Variants in PAX7 observed in about 807,000 individuals in gnomAD.
The protein encoded by PAX7 is paired box 7, also known as paired box protein Pax-7.
PAX7 carries 18 observed loss-of-function variants against 50.7 expected under a neutral mutation model. The observed-to-expected ratio is 0.36, with a 90% CI of 0.25 to 0.53. PAX7 has a LOEUF of 0.53. Among genes scored for constraint, PAX7 ranks in the 20% least tolerant of loss-of-function variants. The probability of loss-of-function intolerance (pLI) is 0.93; values close to 1 mark genes in which losing one functional copy is unlikely to be tolerated. For synonymous variants in PAX7, 310 were observed against 290.4 expected (o/e 1.07, Z -0.69); for missense variants, 644 against 702.9 (o/e 0.92, Z 0.95).
intron 8 of PAX7, among the ~76,000 whole-genome samples, chr1:18,739,033 C>G (rs904299854): frequency 6.6e-6 from 1 of 152,226 alleles, no homozygotes; most frequent in Non-Finnish European, 1.5e-5. Context: ...ATGTCCTGGA[C>G]TGTGCCCGCC....
At chr1:18,733,409 TTCTC>T (rs1173635917) in intron 7 of PAX7, among the ~76,000 whole-genome samples, 1 of 152,092 alleles carries the variant, frequency 6.6e-6, no homozygotes, top group Non-Finnish European at 1.5e-5. Context: ...CAGGCAGACT[TTCTC>T]TCTCCTTCTT....
Position 18,726,429 on chromosome 1 carries a change from C to A in PAX7, c.1156-9203C>A, listed in dbSNP as rs1366139435. ...TTCATTTCTTCATTCATGAATTCCT[C>A]ACTTAGCAAATGTTTATTGGGTGCC... is the stretch of plus-strand genomic sequence containing the variant. On this transcript the variant is annotated intron_variant, in intron 7 of 8. Transcript: ENST00000420770. The surrounding 1 kb of genome is among the most constrained non-coding windows in gnomAD (Gnocchi z 4.8). Among the ~76,000 whole-genome samples, 1 of 152,230 alleles carries A rather than the reference C, an allele frequency of 6.6e-6. No individual in the cohort carries two copies. Among genetic ancestry groups the A allele is most frequent in the Non-Finnish European group, 1.5e-5 (1 of 68,036 alleles).
intron 5 of PAX7, among the ~76,000 whole-genome samples, 182 bp downstream of exon 5, chr1:18,692,135 T>C (rs1026853277): frequency 6.6e-6 from 1 of 151,800 alleles, no homozygotes; most frequent in Non-Finnish European, 1.5e-5. Flanking sequence ...AAATGTTGGT[T>C]GACTGAGAGC....
At chr1:18,692,683 C>G (rs1188386465) in intron 5 of PAX7, among the ~76,000 whole-genome samples, 2 of 152,242 alleles carry the variant, frequency 1.3e-5, no homozygotes, top group Non-Finnish European at 2.9e-5. Flanking sequence ...AGCCTAGCTT[C>G]CTCAGATGGA....
intron 4 of PAX7, among the ~76,000 whole-genome samples, chr1:18,645,745 G>C (rs2088328374): frequency 1.3e-5 from 2 of 151,550 alleles, no homozygotes; most frequent in South Asian, 4.2e-4. Flanking sequence ...CTTGCCTTAA[G>C]TCTGCTCTGG....
chr1:18,729,369 A>G (rs1279670384), intron 7 of PAX7, among the ~76,000 whole-genome samples: 1 of 152,138 alleles, frequency 6.6e-6, no homozygotes, highest in East Asian at 1.9e-4. Flanking sequence ...CTGGGGTGCC[A>G]AGTCACTCTC....
At chr1:18,716,851 GC>G (rs2089430439) in intron 7 of PAX7, among the ~76,000 whole-genome samples, 1 of 100,256 alleles carries the variant, frequency 1.0e-5, no homozygotes, top group African/African-American at 9.2e-5. Flanking sequence ...CGCCCCCCTT[GC>G]CCTTGCCCTC....
intron 4 of PAX7, among the ~76,000 whole-genome samples, chr1:18,665,534 C>G (rs1229321837): frequency 6.6e-6 from 1 of 152,178 alleles, no homozygotes; most frequent in East Asian, 1.9e-4. Context: ...TGCCACCACA[C>G]CCAGCTAATT....
At chr1:18,725,361 TC>T (rs2089551186) in intron 7 of PAX7, among the ~76,000 whole-genome samples, 1 of 140,236 alleles carries the variant, frequency 7.1e-6, no homozygotes, top group South Asian at 2.4e-4. Flanking sequence ...CCAGACGTCC[TC>T]CTTTTCCAAC....
chr1:18,717,622 A>C (rs1044439723), intron 7 of PAX7, among the ~76,000 whole-genome samples: 4 of 152,062 alleles, frequency 2.6e-5, no homozygotes, highest in African/African-American at 9.7e-5. Context: ...TCTGGTTTCT[A>C]ACTTTTTGGA....
chr1:18,739,197 G>A (rs1340140649), intron 8 of PAX7, among the ~76,000 whole-genome samples: 6 of 152,160 alleles, frequency 3.9e-5, no homozygotes, highest in Admixed American at 3.9e-4. Flanking sequence ...AGAGAGGCGA[G>A]GTAGCTTTTC....
At chr1:18,717,945 G>A (rs1310808672) in intron 7 of PAX7, among the ~76,000 whole-genome samples, 2 of 152,208 alleles carry the variant, frequency 1.3e-5, no homozygotes, top group Non-Finnish European at 2.9e-5. Flanking sequence ...CCGTCTTGAC[G>A]GCCAGCTGGC....
chr1:18,636,863 C>T lies in PAX7; in HGVS notation c.586+492C>T, dbSNP rs1450151520. ...ACGCTCTCTAAACGGTCCCTTGAAA[C>T]CCCGCCTGACAGTTGACTGACCGCT... is the stretch of plus-strand genomic sequence containing the variant. On this transcript the variant is annotated intron_variant, in intron 4 of 8. Coordinates refer to ENST00000420770, the MANE Select transcript of PAX7 (RefSeq NM_001135254.2). This position sits in a 1 kb window ranked among gnomAD's most constrained non-coding sequence, Gnocchi z 5.1. 1.3e-5 allele frequency among the ~76,000 whole-genome samples: 2 copies of T among 152,188 alleles called. No individual in the cohort carries two copies. Among genetic ancestry groups the T allele is most frequent in the Admixed American group, 1.3e-4 (2 of 15,278 alleles).
chr1:18,660,318 G>A (rs2088582300), intron 4 of PAX7, among the ~76,000 whole-genome samples: 1 of 152,142 alleles, frequency 6.6e-6, no homozygotes, highest in South Asian at 2.1e-4. Context: ...GACACAGCAG[G>A]CCTCTGACAC....
chr1:18,668,177 T>C (rs1235481904), intron 4 of PAX7, among the ~76,000 whole-genome samples: 1 of 151,820 alleles, frequency 6.6e-6, no homozygotes, highest in East Asian at 1.9e-4. Context: ...GCTCCTTGAG[T>C]GATTCCAAGG....
rs775816880 is a variant in PAX7 at position 18,700,854 on chromosome 1, T to A, written c.952+36T>A. ...TGGCCCCGTCCTGCCATCTCAGTGG[T>A]GCCCCTTCCCTTCTTTCTTTACTTT... On this transcript the variant is annotated intron_variant, in intron 6 of 8. Transcript: ENST00000420770. The surrounding 1 kb of genome is among the most constrained non-coding windows in gnomAD (Gnocchi z 4.8). 1 of 1,367,438 alleles carries A rather than the reference T, an allele frequency of 7.3e-7. No homozygotes were observed. Among genetic ancestry groups the A allele is most frequent in the Non-Finnish European group, 9.5e-7 (1 of 1,049,700 alleles). The allele number at this position is 1,367,438 out of a possible 1,614,324, so 84.7% of individuals were successfully genotyped here.
At chr1:18,688,711 C>T (rs979066051) in intron 4 of PAX7, among the ~76,000 whole-genome samples, 2 of 152,016 alleles carry the variant, frequency 1.3e-5, no homozygotes, top group East Asian at 1.9e-4. Context: ...GACCAGAGTT[C>T]GAGACTAGCC....
At chr1:18,732,365 G>A (rs1339756133) in intron 7 of PAX7, among the ~76,000 whole-genome samples, 1 of 152,172 alleles carries the variant, frequency 6.6e-6, no homozygotes, top group African/African-American at 2.4e-5. Context: ...GAATACACAT[G>A]AATTCAGCAG....
Position 18,701,170 on chromosome 1 carries a change from T to C in PAX7, c.952+352T>C, listed in dbSNP as rs550779147. 9.8e-5 allele frequency among the ~76,000 whole-genome samples: 15 copies of C among 152,286 alleles called. No homozygotes were observed. The East Asian group carries it at 2.5e-3, about 25-fold the overall frequency. ...AAGCTGGTGGAGCATGGACCAGGCTTTGAGCAGCGAGGATTTGGAGGAGAG... is the reference window on the plus strand; with the variant it reads ...AAGCTGGTGGAGCATGGACCAGGCTCTGAGCAGCGAGGATTTGGAGGAGAG... On this transcript the variant is annotated intron_variant, in intron 6 of 8. Transcript: ENST00000420770.
Sources: gnomAD v4.1 joint callset for allele counts (sites outside exome capture counted in the v4.1 genomes callset) on GRCh38, gnomAD v4.1.1 for gene constraint, Gnocchi (gnomAD v3.1) non-coding constraint, MANE v1.5 for transcripts, NCBI Gene and HGNC (gene_info 2026-07-23, HGNC 2026-07-21) for gene names.